EXOC6B: variants seen among roughly 807,000 people sequenced by gnomAD.
EXOC6B encodes exocyst complex component 6B.
In EXOC6B, 54 loss-of-function variants were observed where a neutral mutation model predicts 113.5. The ratio of observed to expected loss-of-function variants is 0.48; its 90% CI spans 0.38 to 0.60. The LOEUF is 0.60. Among genes scored for constraint, EXOC6B ranks in the 20% least tolerant of loss-of-function variants. The pLI, the probability that EXOC6B is intolerant of heterozygous loss-of-function variation, is 0.00. For missense variants in EXOC6B, 797 were observed against 977.5 expected, an observed-to-expected ratio of 0.82 and a Z score of 2.46; for synonymous variants, 357 against 339.0, an observed-to-expected ratio of 1.05 and a Z score of -0.58.
intron 18 of EXOC6B, among the ~76,000 whole-genome samples, chr2:72,380,796 T>C (rs1691634058): frequency 6.6e-6 from 1 of 152,264 alleles, no homozygotes; most frequent in Non-Finnish European, 1.5e-5. Flanking sequence ...TTAAAATTAA[T>C]ATTTTAGTGT....
intron 18 of EXOC6B, among the ~76,000 whole-genome samples, chr2:72,401,600 TATGTGTATATATATATATATAC>T: frequency 5.3e-5 from 2 of 37,726 alleles, no homozygotes; most frequent in African/African-American, 3.0e-4. Flanking sequence ...TATATATATA[TATGTGTATATATATATATATAC>T]ATATATATAT....
At chr2:72,387,125 A>G (rs1251015708) in intron 18 of EXOC6B, among the ~76,000 whole-genome samples, 1 of 152,202 alleles carries the variant, frequency 6.6e-6, no homozygotes, top group African/African-American at 2.4e-5. Context: ...TTCTGTGTAC[A>G]TATTAAGATG....
intron 6 of EXOC6B, among the ~76,000 whole-genome samples, chr2:72,633,403 C>CTGT (rs143179794): frequency 2.6e-5 from 4 of 151,992 alleles, no homozygotes; most frequent in South Asian, 4.1e-4. Context: ...ACAATGTATG[C>CTGT]TGTTGTTGTT....
chr2:72,195,345 G>C (rs188793326), intron 20 of EXOC6B, among the ~76,000 whole-genome samples: 1 of 152,310 alleles, frequency 6.6e-6, no homozygotes, highest in East Asian at 1.9e-4. Flanking sequence ...CACACTGGCT[G>C]ATAATAACCA....
chr2:72,631,822 C>T (rs1034695302), intron 6 of EXOC6B, among the ~76,000 whole-genome samples: 2 of 152,036 alleles, frequency 1.3e-5, no homozygotes, highest in South Asian at 2.1e-4. Flanking sequence ...CCAATCATAA[C>T]GCTTAGCTGA....
chr2:72,637,244 C>A (rs1301154404), intron 6 of EXOC6B, among the ~76,000 whole-genome samples: 1 of 151,902 alleles, frequency 6.6e-6, no homozygotes, highest in East Asian at 1.9e-4. Flanking sequence ...TTCCAAAAAA[C>A]GCCAAAAGCA....
intron 20 of EXOC6B, among the ~76,000 whole-genome samples, chr2:72,287,683 G>T (rs1573182508): frequency 6.6e-6 from 1 of 152,088 alleles, no homozygotes; most frequent in Non-Finnish European, 1.5e-5. Flanking sequence ...TATGCCAACA[G>T]ATTTGGAAAT....
intron 18 of EXOC6B, among the ~76,000 whole-genome samples, chr2:72,445,955 C>G (rs1221460801): frequency 6.6e-6 from 1 of 152,174 alleles, no homozygotes; most frequent in African/African-American, 2.4e-5. Context: ...TATCTCACAC[C>G]AGTCAGAATG....
intron 20 of EXOC6B, among the ~76,000 whole-genome samples, chr2:72,325,204 A>T (rs946624667): frequency 1.3e-5 from 2 of 152,010 alleles, no homozygotes; most frequent in African/African-American, 2.4e-5. Context: ...CATCTCTCTC[A>T]CTCTCTCCAC....
chr2:72,643,820 A>G (rs1380788822), intron 6 of EXOC6B, among the ~76,000 whole-genome samples: 1 of 140,786 alleles, frequency 7.1e-6, no homozygotes, highest in East Asian at 1.9e-4. Context: ...AAAATAAATA[A>G]ATAAATAAAT....
intron 1 of EXOC6B, among the ~76,000 whole-genome samples, chr2:72,780,393 T>C (rs2068410): frequency 0.28 from 42,092 of 152,096 alleles, 7,574 homozygotes; most frequent in African/African-American, 0.51. Context: ...AATAACCTGA[T>C]TATACAAAGA....
intron 20 of EXOC6B, among the ~76,000 whole-genome samples, chr2:72,220,690 T>G (rs1163497983): frequency 1.3e-5 from 2 of 152,102 alleles, no homozygotes; most frequent in Non-Finnish European, 2.9e-5. Context: ...ATATTTGAAA[T>G]CAATTTACTT....
At chr2:72,381,269 G>A (rs1472778203) in intron 18 of EXOC6B, among the ~76,000 whole-genome samples, 9 of 152,094 alleles carry the variant, frequency 5.9e-5, no homozygotes, top group Admixed American at 2.6e-4. Flanking sequence ...GAAGTGTATT[G>A]TATCTAGTTG....
intron 20 of EXOC6B, among the ~76,000 whole-genome samples, chr2:72,293,258 AG>A: frequency 6.6e-6 from 1 of 152,074 alleles, no homozygotes; most frequent in Non-Finnish European, 1.5e-5. Context: ...AATGAGTCCT[AG>A]GGACTCATTT....
At chr2:72,201,323 C>T (rs1679477616) in intron 20 of EXOC6B, among the ~76,000 whole-genome samples, 1 of 151,826 alleles carries the variant, frequency 6.6e-6, no homozygotes. Context: ...GTTGTGTTTC[C>T]AGATGATAGA....
At chr2:72,195,051 C>T (rs925868648) in intron 20 of EXOC6B, among the ~76,000 whole-genome samples, 2 of 152,172 alleles carry the variant, frequency 1.3e-5, no homozygotes, top group African/African-American at 4.8e-5. Flanking sequence ...GCAGCTTCCT[C>T]TGAAAGGGAA....
rs1686846924 is a variant in EXOC6B at position 72,825,503 on chromosome 2, A to T, written c.113+295T>A. ...GGAAGATCTGCCGGGAGCCACCACC[A>T]TCTGTCGGGCGCCCTCTCGTTCCCC... On this transcript the variant is annotated intron_variant, in intron 1 of 21. Transcript: ENST00000272427. The surrounding 1 kb of genome is among the most constrained non-coding windows in gnomAD (Gnocchi z 4.4). Among the ~76,000 whole-genome samples, 1 of 152,178 alleles carries T rather than the reference A, an allele frequency of 6.6e-6. No homozygotes were observed. Among genetic ancestry groups the T allele is most frequent in the Non-Finnish European group, 1.5e-5 (1 of 68,022 alleles).
Position 72,177,213 on chromosome 2 carries a change from C to T in EXOC6B, c.*2122G>A, listed in dbSNP as rs182566325. 5 of 152,298 alleles carry T rather than the reference C, an allele frequency of 3.3e-5. No homozygotes were observed. 9.4% of individuals were successfully genotyped at this position (152,298 alleles called of 1,614,324 possible). ...ATAACCCCTATTCCTCCACCTTGTTCACTTTTTCCTGTATAGCACAGTTCT... is the reference window on the plus strand; with the variant it reads ...ATAACCCCTATTCCTCCACCTTGTTTACTTTTTCCTGTATAGCACAGTTCT... On this transcript the variant is annotated 3_prime_UTR_variant, in exon 22 of 22. Coordinates refer to ENST00000272427, the MANE Select transcript of EXOC6B (RefSeq NM_015189.3).
chr2:72,450,882 T>C (rs1696871383), intron 18 of EXOC6B, among the ~76,000 whole-genome samples: 1 of 152,150 alleles, frequency 6.6e-6, no homozygotes, highest in South Asian at 2.1e-4. Context: ...ATTAGACTCA[T>C]TCCCTGCGCT....
Sources: allele counts gnomAD v4.1 joint callset (sites outside exome capture counted in the v4.1 genomes callset), GRCh38; gene constraint gnomAD v4.1.1; non-coding constraint Gnocchi (gnomAD v3.1); transcripts MANE v1.5; gene names NCBI Gene and HGNC (gene_info 2026-07-23, HGNC 2026-07-21).